The following HELLS variants were observed in gnomAD, a reference collection of about 807,000 sequenced individuals.
The protein encoded by HELLS is lymphoid-specific helicase.
In HELLS, 32 loss-of-function variants were observed where a neutral mutation model predicts 120.0. The ratio of observed to expected loss-of-function variants is 0.27; its 90% confidence interval spans 0.20 to 0.36. The LOEUF is 0.36. HELLS is among the 10% of genes least tolerant of loss of function. The pLI is 1.00. For synonymous variants in HELLS, 341 were observed against 323.4 expected, an observed-to-expected ratio of 1.05 and a Z score of -0.58; for missense variants, 650 against 993.4, an observed-to-expected ratio of 0.65 and a Z score of 4.65.
rs578099960 is a variant in HELLS at position 94,593,607 on chromosome 10, A to G, written c.2080A>G (p.Ser694Gly). The change falls in exon 18 of 22, where the codon AGT (serine) becomes GGT (glycine). Residue 694 changes from serine (S) to glycine (G), a missense_variant. By Grantham distance (56) the Ser-to-Gly change is moderately conservative (BLOSUM62 0). Coordinates refer to ENST00000348459, the MANE Select transcript of HELLS (RefSeq NM_018063.5). ...TAADTVIIYD[S>G]DWNPQSDLQA... ...AGCAGATACAGTTATCATTTATGAT[A>G]GTGATTGGGTAAGTTGGAAGTATAG... 2 of 1,566,278 alleles carry G rather than the reference A, an allele frequency of 1.3e-6. No homozygotes were observed. The highest frequency in any genetic ancestry group is 2.2e-5 in the East Asian group (1 of 44,656).
chr10:94,593,823 T>C (rs771267762), intron 18 of HELLS, among the ~76,000 whole-genome samples: 1 of 152,026 alleles, frequency 6.6e-6, no homozygotes, highest in Non-Finnish European at 1.5e-5. Context: ...CCACAATGCC[T>C]GGCTAATTTT....
chr10:94,573,163 T>C (rs560677839), intron 7 of HELLS, among the ~76,000 whole-genome samples: 15 of 152,244 alleles, frequency 9.9e-5, no homozygotes, highest in African/African-American at 3.1e-4. Flanking sequence ...TGTCACCATT[T>C]TGGCCAGGAT....
downstream of HELLS, among the ~76,000 whole-genome samples, chr10:94,604,157 CT>C (rs1463651185): frequency 6.9e-6 from 1 of 145,766 alleles, no homozygotes; most frequent in Non-Finnish European, 1.5e-5. Flanking sequence ...AACAGTTTCA[CT>C]TCGTCACCTG....
chr10:94,591,170 T>G (rs1391443220), intron 15 of HELLS, among the ~76,000 whole-genome samples: 1 of 152,198 alleles, frequency 6.6e-6, no homozygotes, highest in Non-Finnish European at 1.5e-5. Context: ...ATATTTTATG[T>G]GAACAACTAA....
At chr10:94,558,309 C>A in intron 4 of HELLS, 114 bp downstream of exon 4, 3 of 1,277,328 alleles carry the variant, frequency 2.3e-6, no homozygotes, top group Non-Finnish European at 2.1e-6. Context: ...TAGTGATAAA[C>A]CTAACTTTGT....
intron 10 of HELLS, among the ~76,000 whole-genome samples, chr10:94,580,613 T>C (rs1321420397): frequency 7.2e-5 from 11 of 152,164 alleles, no homozygotes; most frequent in African/African-American, 1.4e-4. Flanking sequence ...GAAGATACAG[T>C]ACTATAAACT....
At chr10:94,547,909 T>C (rs1217617187) in intron 2 of HELLS, among the ~76,000 whole-genome samples, 1 of 152,192 alleles carries the variant, frequency 6.6e-6, no homozygotes, top group Non-Finnish European at 1.5e-5. Context: ...CTATAACCAG[T>C]TAAGGTAATA....
At position 94,593,582 on chromosome 10, in the gene HELLS, A is replaced by G. The variant is rs1239267456; in HGVS notation, c.2055A>G (p.Ala685=). The part of the protein sequence containing the change: ...RAGGLGINLT[A]ADTVIIYDSD... ...GTGGCCTGGGCATTAATCTGACTGC[A>G]GCAGATACAGTTATCATTTATGATA... Residue 685 remains alanine (A), a synonymous_variant, in exon 18 of 22, where the codon GCA becomes GCG. Coordinates refer to ENST00000348459, the MANE Select transcript of HELLS (RefSeq NM_018063.5). 1.2e-6 allele frequency: 2 copies of G among 1,605,402 alleles called. No homozygotes were observed. The highest frequency in any genetic ancestry group is 1.7e-5 in the Admixed American group (1 of 60,020).
chr10:94,574,504 T>C, intron 8 of HELLS, 50 bp from the exon 9 acceptor site: 1 of 1,311,248 alleles, frequency 7.6e-7, no homozygotes, highest in Non-Finnish European at 1.1e-6. Flanking sequence ...ATTGTAATCC[T>C]GTAGTTGTTT....
Position 94,576,735 on chromosome 10 carries a change from G to A in HELLS, c.962G>A (p.Gly321Glu). Residue 321 changes from glycine (G) to glutamate (E), a missense_variant, in exon 10 of 22, where the codon GGG becomes GAG. Around this residue, in one of 9 missense-constraint regions of HELLS, gnomAD observed 61 missense variants for 86.5 expected, o/e 0.71. Transcript: ENST00000348459. ...KLVRNIYKRK[G>E]TLQIHPVVIT... ...GTAAGAAATATTTACAAACGGAAAG[G>A]GACTTTGCAGATTCATCCTGTGGTA... 6.2e-7 allele frequency: 1 copy of A among 1,611,832 alleles called. No homozygotes were observed. Among genetic ancestry groups the A allele is most frequent in the Middle Eastern group, 1.7e-4 (1 of 6,054 alleles).
Position 94,592,473 on chromosome 10 carries a change from A to C in HELLS, c.1930A>C (p.Arg644=). The C allele has an allele frequency of 6.3e-7, 1 of 1,577,316 alleles. No homozygotes were observed. The highest frequency in any genetic ancestry group is 8.6e-7 in the Non-Finnish European group (1 of 1,166,456). The change falls in exon 17 of 22, where the codon AGG becomes CGG. Residue 644 remains arginine (R), a synonymous_variant. Coordinates refer to ENST00000348459, the MANE Select transcript of HELLS (RefSeq NM_018063.5). ...YCHLRDFNFS[R]LDGSMSYSER... is the part of the protein sequence containing the mutation. ...CCATCTCAGAGATTTCAACTTCAGC[A>C]GGCTTGATGGGTCCATGTCTTACTC...
chr10:94,546,559 A>C, intron 2 of HELLS, 61 bp downstream of exon 2: 1 of 1,601,990 alleles, frequency 6.2e-7, no homozygotes, highest in Non-Finnish European at 8.5e-7. Context: ...TTTAACCCGG[A>C]GGTGTGGTTT....
intron 9 of HELLS, among the ~76,000 whole-genome samples, chr10:94,609,595 C>G (rs1408587884): frequency 6.6e-6 from 1 of 152,150 alleles, no homozygotes; most frequent in Non-Finnish European, 1.5e-5. Flanking sequence ...AAGTCTCTAC[C>G]ATTTATTACT....
downstream of HELLS, among the ~76,000 whole-genome samples, chr10:94,602,833 A>G (rs1356159489): frequency 6.6e-6 from 1 of 152,194 alleles, no homozygotes; most frequent in Non-Finnish European, 1.5e-5. Context: ...TTGTTTTTTA[A>G]GTCAAAATGT....
chr10:94,554,361 G>C, intron 3 of HELLS, 113 bp downstream of exon 3: 1 of 691,562 alleles, frequency 1.4e-6, no homozygotes, highest in Non-Finnish European at 2.2e-6. Flanking sequence ...ACGGTTTGCT[G>C]AGTTTTGACT....
chr10:94,595,985 A>G (rs1031293341), intron 19 of HELLS, among the ~76,000 whole-genome samples: 1 of 152,144 alleles, frequency 6.6e-6, no homozygotes, highest in African/African-American at 2.4e-5. Context: ...TGCATTGGGG[A>G]AAAAGCATAA....
At chr10:94,597,662 A>G (rs183599357) in intron 21 of HELLS, among the ~76,000 whole-genome samples, 33 of 152,134 alleles carry the variant, frequency 2.2e-4, no homozygotes, top group Middle Eastern at 3.4e-3. Context: ...CCTCCCTAGT[A>G]GCTAGTATTA....
chr10:94,578,047 GC>G (rs1298992034), intron 10 of HELLS, among the ~76,000 whole-genome samples: 3 of 145,942 alleles, frequency 2.1e-5, no homozygotes, highest in Non-Finnish European at 3.0e-5. Context: ...TCCGGCCTGG[GC>G]CGACAGAGCG....
At chr10:94,546,342 TA>T (rs745959209) in intron 1 of HELLS, 34 bp from the exon 2 acceptor site, 1,111 of 1,613,420 alleles carry the variant, frequency 6.9e-4, no homozygotes, top group Non-Finnish European at 9.0e-4. Context: ...GTAATTTTTT[TA>T]AAACTGCAAT....
Sources: gnomAD v4.1 joint callset for allele counts (sites outside exome capture counted in the v4.1 genomes callset) on GRCh38, gnomAD v4.1.1 for gene constraint, gnomAD v4.1.1 regional missense constraint, MANE v1.5 for transcripts, NCBI Gene and HGNC (gene_info 2026-07-23, HGNC 2026-07-21) for gene names.